The following KLF8 variants were observed in gnomAD, a reference collection of about 807,000 sequenced individuals.
KLF8 encodes Krueppel-like factor 8.
KLF8 carries 10 observed loss-of-function variants against 18.2 expected under a neutral mutation model. The observed-to-expected ratio is 0.55, with a 90% CI of 0.34 to 0.93. The LOEUF (loss-of-function observed/expected upper bound fraction) is 0.93, where lower values mean the gene tolerates loss of function less well. KLF8 is among the 40% of genes least tolerant of loss of function. The pLI is 0.02. For synonymous variants in KLF8, 109 were observed against 97.3 expected (o/e 1.12, Z -0.71); for missense variants, 264 against 277.9 (o/e 0.95, Z 0.36).
At chrX:56,171,964 G>C in the KLF8 span, among the ~76,000 whole-genome samples, 1 of 111,539 alleles carries the variant, frequency 9.0e-6, no homozygotes, top group African/African-American at 3.3e-5. Flanking sequence ...GTCCACAATG[G>C]TTGAACTAGT....
the KLF8 span, among the ~76,000 whole-genome samples, chrX:56,086,697 G>A: frequency 2.7e-5 from 3 of 109,822 alleles, no homozygotes; most frequent in Non-Finnish European, 5.7e-5. Context: ...GTTAGTAGAA[G>A]TAGTAGTAGT....
the KLF8 span, among the ~76,000 whole-genome samples, chrX:56,016,898 T>C: frequency 1.8e-5 from 2 of 112,210 alleles, no homozygotes; most frequent in African/African-American, 6.5e-5. Context: ...TTTATACAAA[T>C]ATATTTTAAG....
At chrX:56,071,222 G>T in the KLF8 span, among the ~76,000 whole-genome samples, 2 of 111,233 alleles carry the variant, frequency 1.8e-5, no homozygotes, top group African/African-American at 3.3e-5. Context: ...TTACCAGAAG[G>T]TAATTAAAGG....
intron 2 of KLF8, among the ~76,000 whole-genome samples, chrX:56,254,247 C>T (rs187979606): frequency 2.7e-5 from 3 of 112,026 alleles, no homozygotes; most frequent in Non-Finnish European, 3.8e-5. Context: ...ACCTAGCTGG[C>T]GCTTTGGCAC....
At chrX:56,086,559 C>T in the KLF8 span, among the ~76,000 whole-genome samples, 1 of 110,586 alleles carries the variant, frequency 9.0e-6, no homozygotes, top group Non-Finnish European at 1.9e-5. Flanking sequence ...TGTCTTAAAG[C>T]TTTTATGTTA....
At chrX:56,261,695 G>C (rs1196289423) in intron 2 of KLF8, among the ~76,000 whole-genome samples, 1 of 110,695 alleles carries the variant, frequency 9.0e-6, no homozygotes, top group African/African-American at 3.3e-5. Flanking sequence ...AGGGTGTTGG[G>C]GTTTTTTTTA....
At chrX:56,191,406 C>A in the KLF8 span, among the ~76,000 whole-genome samples, 2 of 111,657 alleles carry the variant, frequency 1.8e-5, no homozygotes, top group Admixed American at 9.5e-5. Context: ...ACCACTCCTA[C>A]TCAAACTATT....
At chrX:56,131,283 C>T in the KLF8 span, among the ~76,000 whole-genome samples, 4 of 112,025 alleles carry the variant, frequency 3.6e-5, no homozygotes, top group Non-Finnish European at 7.5e-5. Context: ...AGATTAATAG[C>T]AGATTTCTCA....
the KLF8 span, among the ~76,000 whole-genome samples, chrX:56,134,196 T>A: frequency 2.7e-5 from 3 of 110,583 alleles, no homozygotes; most frequent in Middle Eastern, 4.6e-3. Flanking sequence ...AAAAAAAAAA[T>A]TTTGCATAGC....
the KLF8 span, among the ~76,000 whole-genome samples, chrX:56,035,959 A>C: frequency 5.3e-5 from 6 of 112,256 alleles, no homozygotes; most frequent in Middle Eastern, 4.6e-3. Flanking sequence ...TTTGCTGTGC[A>C]AAAATCTTAT....
the KLF8 span, among the ~76,000 whole-genome samples, chrX:56,211,199 A>G: frequency 8.9e-6 from 1 of 112,345 alleles, no homozygotes; most frequent in South Asian, 3.7e-4. Flanking sequence ...TATATTTGAA[A>G]AGACTTGGAT....
chrX:55,952,534 C>T, the KLF8 span, among the ~76,000 whole-genome samples: 22 of 112,387 alleles, frequency 2.0e-4, no homozygotes, highest in East Asian at 5.9e-3. Context: ...ACTTCCACCT[C>T]TCTGTTGTCA....
intron 5 of KLF8, among the ~76,000 whole-genome samples, chrX:56,270,698 C>G: frequency 9.0e-6 from 1 of 111,283 alleles, no homozygotes; most frequent in Non-Finnish European, 1.9e-5. Flanking sequence ...TTCCTTACTA[C>G]CAGGGTCTCA....
At chrX:56,106,844 T>G in the KLF8 span, among the ~76,000 whole-genome samples, 1 of 112,353 alleles carries the variant, frequency 8.9e-6, no homozygotes, top group Non-Finnish European at 1.9e-5. Context: ...TCCCCATATT[T>G]GCAGTTTTAT....
the KLF8 span, among the ~76,000 whole-genome samples, chrX:56,059,636 GCAAGTTTGT>G: frequency 9.0e-6 from 1 of 111,283 alleles, no homozygotes; most frequent in South Asian, 3.8e-4. Context: ...CTTGTTTTTG[GCAAGTTTGT>G]CAGAGAACAG....
chrX:55,973,206 A>G, the KLF8 span, among the ~76,000 whole-genome samples: 42 of 112,218 alleles, frequency 3.7e-4, no homozygotes, highest in African/African-American at 1.3e-3. Flanking sequence ...AAATCAACTC[A>G]AGATGGATTA....
chrX:56,059,090 C>T, the KLF8 span, among the ~76,000 whole-genome samples: 3 of 112,177 alleles, frequency 2.7e-5, no homozygotes, highest in Non-Finnish European at 3.8e-5. Flanking sequence ...ATTTGCATTT[C>T]TCTAATGACC....
the KLF8 span, among the ~76,000 whole-genome samples, chrX:56,209,681 GTTTTGT>G: frequency 9.0e-6 from 1 of 111,300 alleles, no homozygotes; most frequent in Non-Finnish European, 1.9e-5. Context: ...TGTGTTTTCT[GTTTTGT>G]TTTTGTTTTT....
chrX:55,961,506 T>C, the KLF8 span: 2 of 549,534 alleles, frequency 3.6e-6, no homozygotes, highest in African/African-American at 4.5e-5. Context: ...CCATTGGGGG[T>C]CTGGCTGAAT....
Sources: gnomAD v4.1 joint callset for allele counts (sites outside exome capture counted in the v4.1 genomes callset) on GRCh38, gnomAD v4.1.1 for gene constraint, MANE v1.5 for transcripts, NCBI Gene and HGNC (gene_info 2026-07-23, HGNC 2026-07-21) for gene names.